CDC5L: variants seen among roughly 807,000 people sequenced by gnomAD.
CDC5L encodes cell division cycle 5 like.
In CDC5L, 18 loss-of-function variants were observed where a neutral mutation model predicts 104.1. The ratio of observed to expected loss-of-function variants is 0.17; its 90% confidence interval spans 0.12 to 0.26. The LOEUF is 0.26. Among genes scored for constraint, CDC5L ranks in the 10% least tolerant of loss-of-function variants. CDC5L has a pLI of 1.00. For synonymous variants in CDC5L, 331 were observed against 322.7 expected, an observed-to-expected ratio of 1.03 and a Z score of -0.28; for missense variants, 673 against 956.9, an observed-to-expected ratio of 0.70 and a Z score of 3.91.
At chr6:44,401,167 G>A (rs538556878) in intron 5 of CDC5L, among the ~76,000 whole-genome samples, 1 of 152,224 alleles carries the variant, frequency 6.6e-6, no homozygotes, top group South Asian at 2.1e-4. Context: ...GAGAGATGTG[G>A]ATCTCTCAGT....
chr6:44,394,587 G>A (rs1290232835), intron 4 of CDC5L, among the ~76,000 whole-genome samples: 3 of 152,106 alleles, frequency 2.0e-5, no homozygotes, highest in Non-Finnish European at 4.4e-5. Flanking sequence ...TGGGCATGGT[G>A]GCTCACGCCT....
intron 14 of CDC5L, among the ~76,000 whole-genome samples, chr6:44,433,081 A>T (rs1476558557): frequency 6.6e-6 from 1 of 152,222 alleles, no homozygotes; most frequent in East Asian, 1.9e-4. Flanking sequence ...AAAGGGCGGG[A>T]TGGCTATAAT....
chr6:44,422,584 C>A, intron 9 of CDC5L, 63 bp from the exon 10 acceptor site: 4 of 992,846 alleles, frequency 4.0e-6, no homozygotes, highest in Non-Finnish European at 4.3e-6. Context: ...ATGTGAAAAA[C>A]ATTTGAAAGC....
At chr6:44,442,496 C>G (rs1260958948) in intron 14 of CDC5L, among the ~76,000 whole-genome samples, 2 of 151,692 alleles carry the variant, frequency 1.3e-5, no homozygotes, top group Non-Finnish European at 2.9e-5. Flanking sequence ...TTGTGGTTAA[C>G]TTGAGGCTTA....
chr6:44,438,339 A>G (rs115886421), intron 14 of CDC5L, among the ~76,000 whole-genome samples: 67 of 152,278 alleles, frequency 4.4e-4, no homozygotes, highest in African/African-American at 1.6e-3. Flanking sequence ...TTTTTGGTAG[A>G]TATAGTTGAG....
chr6:44,415,530 G>C lies in CDC5L; in HGVS notation c.1093-3919G>C, dbSNP rs116708320. 7.9e-3 allele frequency among the ~76,000 whole-genome samples: 1,204 copies of C among 152,276 alleles called. 19 individuals are homozygous for C. Among genetic ancestry groups the C allele is most frequent in the African/African-American group, 0.028 (1,150 of 41,550 alleles). On this transcript the variant is annotated intron_variant, in intron 8 of 15. Transcript: ENST00000371477. ...CCTGGTGTCAGGGACCTGGGCACCT[G>C]CTTTTTTGTCCTCCCCCATGTCAGG...
intron 1 of CDC5L, among the ~76,000 whole-genome samples, chr6:44,388,182 CAG>C (rs1790436279): frequency 7.5e-6 from 1 of 133,614 alleles, no homozygotes; most frequent in Non-Finnish European, 1.6e-5. Context: ...GGGAAGAACT[CAG>C]AGTTCCAACT....
At chr6:44,430,134 T>A (rs1792610731) in intron 14 of CDC5L, among the ~76,000 whole-genome samples, 1 of 151,588 alleles carries the variant, frequency 6.6e-6, no homozygotes, top group Non-Finnish European at 1.5e-5. Context: ...TTGGCCTTCA[T>A]GACTAAAGAG....
intron 3 of CDC5L, 93 bp downstream of exon 3, chr6:44,392,921 A>C: frequency 8.7e-7 from 1 of 1,153,778 alleles, no homozygotes; most frequent in Non-Finnish European, 1.2e-6. Flanking sequence ...TAAACTTTTA[A>C]TTATGGATGT....
rs1793465385 is a variant in CDC5L at position 44,446,598 on chromosome 6, T to C, written c.2305-9T>C. 1.4e-6 allele frequency: 2 copies of C among 1,405,164 alleles called. No individual in the cohort carries two copies. Among genetic ancestry groups the C allele is most frequent in the South Asian group, 1.3e-5 (1 of 78,020 alleles). The allele number at this position is 1,405,164 out of a possible 1,614,324, so 87.0% of individuals were successfully genotyped here. A position where few individuals can be genotyped will look rare whatever the true frequency, so the allele number is the denominator to read the frequency against. On this transcript the variant is annotated splice_polypyrimidine_tract_variant and intron_variant, in intron 15 of 15. Transcript: ENST00000371477. ...ATCTAAAATAATTACTTAATTTTTT[T>C]TCTTTAAGTGTCTAAAAGAAGACGT...
chr6:44,418,630 C>T (rs1193565220), intron 8 of CDC5L, among the ~76,000 whole-genome samples: 1 of 152,062 alleles, frequency 6.6e-6, no homozygotes, highest in Non-Finnish European at 1.5e-5. Context: ...AAAAGTGTTC[C>T]TATTTCTCCA....
chr6:44,439,888 C>T (rs1268490958), intron 14 of CDC5L, among the ~76,000 whole-genome samples: 3 of 152,164 alleles, frequency 2.0e-5, no homozygotes, highest in South Asian at 2.1e-4. Context: ...CAGCTCAAAA[C>T]AGCTGGGCAG....
At position 44,401,591 on chromosome 6, in the gene CDC5L, G is replaced by A. The variant is rs192602637; in HGVS notation, c.540-2218G>A. On this transcript the variant is annotated intron_variant, in intron 5 of 15. Coordinates refer to ENST00000371477, the MANE Select transcript of CDC5L (RefSeq NM_001253.4). ...GTGGAATCTCCATTCCTCTGAGCTG[G>A]GGGGAAGGAGGGAGTGGGTCTTGGT... is the stretch of plus-strand genomic sequence containing the variant. Among the ~76,000 whole-genome samples, 1,002 of 149,678 alleles carry A rather than the reference G, an allele frequency of 6.7e-3. 3 individuals carry two copies. The highest frequency in any genetic ancestry group is 0.01 in the Non-Finnish European group (691 of 67,958).
At chr6:44,407,248 A>T (rs1791411217) in intron 7 of CDC5L, among the ~76,000 whole-genome samples, 1 of 152,156 alleles carries the variant, frequency 6.6e-6, no homozygotes, top group Non-Finnish European at 1.5e-5. Context: ...AAGCGATACA[A>T]ACATTCTTTC....
chr6:44,395,868 A>G lies in CDC5L; in HGVS notation c.440-473A>G, dbSNP rs11571931. ...ACGAAAAATGTATTGGATGAGAGAA[A>G]TTGTTCTGAGGGGAAAAAAAAGTAT... On this transcript the variant is annotated intron_variant, in intron 4 of 15. Coordinates refer to ENST00000371477, the MANE Select transcript of CDC5L (RefSeq NM_001253.4). Among the ~76,000 whole-genome samples, 38 of 152,294 alleles carry G rather than the reference A, an allele frequency of 2.5e-4. No individual in the cohort carries two copies. In the East Asian group the frequency reaches 6.7e-3, roughly 27 times the overall value.
Position 44,426,589 on chromosome 6 carries a change from C to T in CDC5L, c.1758C>T (p.Asp586=), listed in dbSNP as rs1792433437. The T allele has an allele frequency of 1.2e-6, 2 of 1,613,144 alleles. No homozygotes were observed. The highest frequency in any genetic ancestry group is 2.7e-5 in the African/African-American group (2 of 74,886). ...KKEMITMLHY[D]LLHHPYEPSG... The stretch of plus-strand genomic sequence containing the variant: ...AAATGATCACAATGCTTCATTATGA[C>T]CTTCTACATCACCCTTATGAACCAT... The change falls in exon 13 of 16, where the codon GAC becomes GAT. Residue 586 remains aspartate (D), a synonymous_variant. Coordinates refer to ENST00000371477, the MANE Select transcript of CDC5L (RefSeq NM_001253.4).
At chr6:44,411,637 A>AGAGAGAGTGTGTGTGTGTGTGTGTGTGT in intron 8 of CDC5L, among the ~76,000 whole-genome samples, 1 of 123,746 alleles carries the variant, frequency 8.1e-6, no homozygotes, top group East Asian at 5.4e-4. Flanking sequence ...AGAGAGAGAG[A>AGAGAGAGTGTGTGTGTGTGTGTGTGTGT]GTGTGTGTGT....
At chr6:44,399,717 G>A (rs577755430) in intron 5 of CDC5L, among the ~76,000 whole-genome samples, 2 of 152,194 alleles carry the variant, frequency 1.3e-5, no homozygotes, top group East Asian at 1.9e-4. Flanking sequence ...GCAGTGGTGC[G>A]ATCTAGGCTC....
At position 44,414,382 on chromosome 6, in the gene CDC5L, CTGTGTGTGTGTGTG is replaced by C. The variant is rs58800666; in HGVS notation, c.1093-5031_1093-5018del. 7.0e-4 allele frequency among the ~76,000 whole-genome samples: 91 copies of C among 130,034 alleles called. 1 individual carries two copies. Among genetic ancestry groups the C allele is most frequent in the African/African-American group, 1.5e-3 (49 of 33,502 alleles). The allele number at this position is 130,034 out of a possible 152,430, so 85.3% of individuals were successfully genotyped here. On this transcript the variant is annotated intron_variant, in intron 8 of 15. Coordinates refer to ENST00000371477, the MANE Select transcript of CDC5L (RefSeq NM_001253.4). ...CGTGAGCCACTGTGCCTGGCCTGGC[CTGTGTGTGTGTGTG>C]TGTGTGTGTGTGTGTGTGTGTGTGT...
Sources: gnomAD v4.1 joint callset for allele counts (sites outside exome capture counted in the v4.1 genomes callset) on GRCh38, gnomAD v4.1.1 for gene constraint, MANE v1.5 for transcripts, NCBI Gene and HGNC (gene_info 2026-07-23, HGNC 2026-07-21) for gene names.